Variants in PSME4 observed in about 807,000 individuals in gnomAD.
PSME4 encodes proteasome activator complex subunit 4.
A neutral mutation model predicts 253.9 loss-of-function variants in PSME4; 89 were observed. The ratio of observed to expected loss-of-function variants is 0.35; its 90% CI spans 0.30 to 0.42. The LOEUF (loss-of-function observed/expected upper bound fraction) is 0.42, where lower values mean the gene tolerates loss of function less well. Among genes scored for constraint, PSME4 ranks in the 10% least tolerant of loss-of-function variants. PSME4 has a pLI of 1.00. For missense variants in PSME4, 2,014 were observed against 2,195.2 expected, an observed-to-expected ratio of 0.92 and a Z score of 1.65; for synonymous variants, 851 against 759.2, an observed-to-expected ratio of 1.12 and a Z score of -1.99.
chr2:53,961,492 C>G (rs1239294379), intron 1 of PSME4, among the ~76,000 whole-genome samples: 1 of 152,022 alleles, frequency 6.6e-6, no homozygotes, highest in Non-Finnish European at 1.5e-5. Context: ...ATAGTGAGAC[C>G]CTGTCTCTAC....
chr2:53,957,801 C>G (rs1490748806), intron 1 of PSME4, among the ~76,000 whole-genome samples: 1 of 152,062 alleles, frequency 6.6e-6, no homozygotes, highest in Non-Finnish European at 1.5e-5. Context: ...GTATATAGTA[C>G]CACTTATTGC....
intron 1 of PSME4, among the ~76,000 whole-genome samples, chr2:53,970,245 GGCCCTTGGGCTA>G (rs1558439663): frequency 6.6e-6 from 1 of 152,116 alleles, no homozygotes; most frequent in Admixed American, 6.5e-5. Context: ...TCGGGGCCGG[GGCCCTTGGGCTA>G]CCCAGGGCCC....
chr2:53,931,883 T>C lies in PSME4; in HGVS notation c.1268A>G (p.Asn423Ser), dbSNP rs1668847955. The C allele has an allele frequency of 1.2e-6, 2 of 1,614,226 alleles. No individual in the cohort carries two copies. Among genetic ancestry groups the C allele is most frequent in the Non-Finnish European group, 1.7e-6 (2 of 1,180,048 alleles). ...GSLEAAQALQNLALMRPELVI... is the reference protein window; with the variant it reads ...GSLEAAQALQSLALMRPELVI... ...CAATTCAGGTCTCATGAGTGCAAGA[T>C]TCTGCAAAGCCTGGGCTGCTTCTAG... Residue 423 changes from asparagine (N) to serine (S), a missense_variant, in exon 10 of 47, where the codon AAT becomes AGT. This residue lies in a region of PSME4 where 615 missense variants were observed against 594.4 expected (regional missense o/e 1.03). Transcript: ENST00000404125.
chr2:53,899,556 G>A (rs1680296119), intron 29 of PSME4, among the ~76,000 whole-genome samples: 1 of 151,912 alleles, frequency 6.6e-6, no homozygotes, highest in Admixed American at 6.6e-5. Flanking sequence ...AGTGGCTCAT[G>A]CCTGTAATCC....
intron 41 of PSME4, among the ~76,000 whole-genome samples, chr2:53,880,264 T>C (rs1679321120): frequency 1.3e-5 from 2 of 152,110 alleles, no homozygotes; most frequent in South Asian, 2.1e-4. Flanking sequence ...GAGAGCAGCC[T>C]GGGCCACTAC....
chr2:53,964,849 T>C (rs1259753599), intron 1 of PSME4, among the ~76,000 whole-genome samples: 1 of 152,206 alleles, frequency 6.6e-6, no homozygotes, highest in Middle Eastern at 3.2e-3. Context: ...ATTATGTGGT[T>C]TCAACTGGGA....
intron 14 of PSME4, 70 bp from the exon 15 acceptor site, chr2:53,923,489 A>G: frequency 6.9e-7 from 1 of 1,456,828 alleles, no homozygotes; most frequent in Non-Finnish European, 9.1e-7. Flanking sequence ...ACATAAAAGA[A>G]AATGATAAAT....
intron 1 of PSME4, among the ~76,000 whole-genome samples, chr2:53,962,850 A>G (rs1670550675): frequency 6.6e-6 from 1 of 152,046 alleles, no homozygotes; most frequent in African/African-American, 2.4e-5. Flanking sequence ...ATCTCTATTA[A>G]AAACAGAAAA....
intron 31 of PSME4, among the ~76,000 whole-genome samples, chr2:53,897,167 GTTTT>G (rs1056577962): frequency 6.5e-5 from 8 of 122,192 alleles, no homozygotes; most frequent in South Asian, 5.5e-4. Flanking sequence ...TAGCCTCAGG[GTTTT>G]TTTTTTTTTT....
At chr2:53,934,839 G>T in intron 7 of PSME4, 112 bp from the exon 8 acceptor site, 1 of 828,450 alleles carries the variant, frequency 1.2e-6, no homozygotes, top group Non-Finnish European at 1.8e-6. Flanking sequence ...TATCACAAGG[G>T]TTTTTAAGTG....
intron 45 of PSME4, 71 bp from the exon 46 acceptor site, chr2:53,866,294 G>A (rs1573174216): frequency 1.1e-5 from 17 of 1,513,224 alleles, no homozygotes; most frequent in South Asian, 5.0e-5. Context: ...GATACTTTTA[G>A]TTAAATTACC....
chr2:53,917,521 A>G (rs1172681435), intron 20 of PSME4, among the ~76,000 whole-genome samples: 1 of 152,192 alleles, frequency 6.6e-6, no homozygotes, highest in Non-Finnish European at 1.5e-5. Context: ...ACTGCAAGGA[A>G]AATCCCTTGG....
intron 19 of PSME4, among the ~76,000 whole-genome samples, chr2:53,919,777 T>A (rs1377861874): frequency 6.6e-6 from 1 of 152,154 alleles, no homozygotes; most frequent in Non-Finnish European, 1.5e-5. Context: ...GTCTAATGGT[T>A]TCAAATACTT....
chr2:53,921,116 G>T lies in PSME4; in HGVS notation c.2047-12C>A. ...TCCACTCGAGTAATCTAAAAGGAGG[G>T]AAAAAATAGTTGAAGATATTTTGGT... On this transcript the variant is annotated splice_polypyrimidine_tract_variant and intron_variant, in intron 17 of 46. Coordinates refer to ENST00000404125, the MANE Select transcript of PSME4 (RefSeq NM_014614.3). 6.2e-7 allele frequency: 1 copy of T among 1,608,782 alleles called. No homozygotes were observed. Among genetic ancestry groups the T allele is most frequent in the Non-Finnish European group, 8.5e-7 (1 of 1,178,794 alleles).
At chr2:53,908,940 G>A in intron 21 of PSME4, 100 bp from the exon 22 acceptor site, 30 of 850,208 alleles carry the variant, frequency 3.5e-5, no homozygotes, top group Middle Eastern at 2.4e-4. Flanking sequence ...ATAAAGTATT[G>A]GAGAAAAAAA....
chr2:53,876,176 G>A (rs1573195670), intron 41 of PSME4, among the ~76,000 whole-genome samples: 1 of 152,128 alleles, frequency 6.6e-6, no homozygotes, highest in South Asian at 2.1e-4. Context: ...ATTACAACTG[G>A]TTTTTTGAAA....
At chr2:53,911,843 A>G (rs1318214747) in intron 20 of PSME4, among the ~76,000 whole-genome samples, 2 of 152,318 alleles carry the variant, frequency 1.3e-5, no homozygotes, top group East Asian at 3.9e-4. Context: ...CATAGTTTTT[A>G]CTATATCTAA....
chr2:53,955,849 G>A (rs1237658230), intron 1 of PSME4, among the ~76,000 whole-genome samples: 1 of 152,124 alleles, frequency 6.6e-6, no homozygotes, highest in Non-Finnish European at 1.5e-5. Context: ...TGGGGCCTGG[G>A]AAGCGAAGGT....
At chr2:53,940,164 T>G (rs1054782265) in intron 3 of PSME4, among the ~76,000 whole-genome samples, 164 bp from the exon 4 acceptor site, 2 of 152,130 alleles carry the variant, frequency 1.3e-5, no homozygotes, top group Non-Finnish European at 2.9e-5. Context: ...AAGGATTAAC[T>G]ACCTAAACTC....
Sources: gnomAD v4.1 joint callset for allele counts (sites outside exome capture counted in the v4.1 genomes callset) on GRCh38, gnomAD v4.1.1 for gene constraint, gnomAD v4.1.1 regional missense constraint, MANE v1.5 for transcripts, NCBI Gene and HGNC (gene_info 2026-07-23, HGNC 2026-07-21) for gene names.